Variants in APBB2 observed in about 807,000 individuals in gnomAD.
The protein encoded by APBB2 is Fe65-like 1.
In APBB2, 38 loss-of-function variants were observed where a neutral mutation model predicts 82.5. That is an observed-to-expected ratio of 0.46 (90% CI 0.36 to 0.60). The LOEUF (loss-of-function observed/expected upper bound fraction) is 0.60, where lower values mean the gene tolerates loss of function less well. APBB2 is among the 20% of genes least tolerant of loss of function. The pLI is 0.00. For synonymous variants in APBB2, 341 were observed against 368.2 expected, an observed-to-expected ratio of 0.93 and a Z score of 0.85; for missense variants, 772 against 972.3, an observed-to-expected ratio of 0.79 and a Z score of 2.74.
chr4:41,015,552 T>C (rs908820555), intron 5 of APBB2, among the ~76,000 whole-genome samples: 2 of 152,170 alleles, frequency 1.3e-5, no homozygotes, highest in Non-Finnish European at 2.9e-5. Context: ...AGCTTAGAGG[T>C]ATCTCTCCAT....
intron 12 of APBB2, among the ~76,000 whole-genome samples, chr4:40,835,225 G>A (rs372650666): frequency 2.7e-4 from 40 of 150,336 alleles, no homozygotes; most frequent in African/African-American, 9.1e-4. Flanking sequence ...GCAGTGAGCC[G>A]AGATCGCGCC....
At chr4:40,852,327 G>GGTGACA (rs1759737390) in intron 12 of APBB2, among the ~76,000 whole-genome samples, 1 of 148,754 alleles carries the variant, frequency 6.7e-6, no homozygotes, top group South Asian at 2.2e-4. Flanking sequence ...CTCCAGCCTG[G>GGTGACA]GTGACAGAGC....
At chr4:41,017,698 G>A (rs746715806) in intron 5 of APBB2, among the ~76,000 whole-genome samples, 17 of 152,104 alleles carry the variant, frequency 1.1e-4, no homozygotes, top group African/African-American at 2.9e-4. Flanking sequence ...AATATAGCGC[G>A]GGGCTGCCTA....
At chr4:40,945,994 A>T (rs1788274400) in intron 6 of APBB2, among the ~76,000 whole-genome samples, 1 of 152,144 alleles carries the variant, frequency 6.6e-6, no homozygotes, top group South Asian at 2.1e-4. Flanking sequence ...GCAATTCGGG[A>T]GGCCGAGGTG....
chr4:41,205,632 GGCTACAA>G (rs1273321930), intron 1 of APBB2, among the ~76,000 whole-genome samples: 25 of 152,014 alleles, frequency 1.6e-4, no homozygotes, highest in Non-Finnish European at 2.9e-5. Context: ...TTACAGGTAG[GGCTACAA>G]GCTCAACTGC....
intron 3 of APBB2, among the ~76,000 whole-genome samples, chr4:41,066,123 G>A (rs1222632261): frequency 1.9e-5 from 2 of 107,266 alleles, no homozygotes; most frequent in African/African-American, 6.5e-5. Context: ...GAGGTTAGAT[G>A]TCATGTTGAT....
At chr4:40,885,447 C>T (rs965645527) in intron 12 of APBB2, among the ~76,000 whole-genome samples, 1 of 152,162 alleles carries the variant, frequency 6.6e-6, no homozygotes, top group Non-Finnish European at 1.5e-5. Flanking sequence ...GAGGGACTGG[C>T]GTGCTAGGAG....
chr4:40,970,364 G>A (rs1006459299), intron 6 of APBB2, among the ~76,000 whole-genome samples: 4 of 152,100 alleles, frequency 2.6e-5, no homozygotes, highest in African/African-American at 9.7e-5. Context: ...GCCCCGTTTA[G>A]TATGGTTTCA....
chr4:40,924,143 T>C (rs924614568), intron 10 of APBB2, among the ~76,000 whole-genome samples: 2 of 152,198 alleles, frequency 1.3e-5, no homozygotes, highest in Non-Finnish European at 2.9e-5. Flanking sequence ...TTCCTAAGGC[T>C]GGAATGAGAT....
At chr4:41,107,923 G>A (rs1195656013) in intron 2 of APBB2, among the ~76,000 whole-genome samples, 1 of 152,174 alleles carries the variant, frequency 6.6e-6, no homozygotes, top group Middle Eastern at 3.2e-3. Flanking sequence ...CCTGGATTGG[G>A]AGGCGGGTAT....
At chr4:41,146,145 C>G (rs4499731) in intron 1 of APBB2, among the ~76,000 whole-genome samples, 149,497 of 152,216 alleles carry the variant, frequency 0.98, 73,480 homozygotes, top group East Asian at 1. Context: ...GGCCAACATG[C>G]CAAAACCCTT....
chr4:40,903,602 T>C (rs898770971), intron 10 of APBB2, among the ~76,000 whole-genome samples: 5 of 152,140 alleles, frequency 3.3e-5, no homozygotes, highest in Non-Finnish European at 7.4e-5. Flanking sequence ...AGGAGAAGGG[T>C]GTTACCCTTC....
chr4:40,857,164 C>G, intron 12 of APBB2: 1 of 985,390 alleles, frequency 1.0e-6, no homozygotes, highest in Non-Finnish European at 1.2e-6. Context: ...TTGAAGAGAG[C>G]GGCGCCCGCG....
At chr4:41,070,136 G>C (rs1733288984) in intron 3 of APBB2, among the ~76,000 whole-genome samples, 1 of 152,122 alleles carries the variant, frequency 6.6e-6, no homozygotes, top group Admixed American at 6.5e-5. Context: ...GGGGCAGTAA[G>C]ATAAATAGTC....
chr4:40,864,803 G>T (rs981806818), intron 12 of APBB2, among the ~76,000 whole-genome samples: 9 of 148,608 alleles, frequency 6.1e-5, no homozygotes, highest in African/African-American at 2.2e-4. Flanking sequence ...AGCATAAATT[G>T]TTATCCTCCA....
chr4:40,978,920 C>T (rs1797826045), intron 6 of APBB2, among the ~76,000 whole-genome samples: 1 of 131,872 alleles, frequency 7.6e-6, no homozygotes, highest in African/African-American at 2.6e-5. Flanking sequence ...GTACTTGGAA[C>T]TCATGATTTT....
intron 6 of APBB2, among the ~76,000 whole-genome samples, chr4:41,003,838 G>C (rs150176949): frequency 2.0e-5 from 3 of 152,136 alleles, no homozygotes; most frequent in Non-Finnish European, 4.4e-5. Context: ...TCAGCCTCCT[G>C]AGTAGCTGGA....
intron 1 of APBB2, among the ~76,000 whole-genome samples, chr4:41,154,300 C>A (rs953897545): frequency 6.6e-6 from 1 of 152,148 alleles, no homozygotes; most frequent in Non-Finnish European, 1.5e-5. Flanking sequence ...TACCATTATA[C>A]CCGCTTCTAC....
intron 3 of APBB2, among the ~76,000 whole-genome samples, chr4:41,076,279 G>A (rs1297618840): frequency 6.6e-6 from 1 of 152,180 alleles, no homozygotes; most frequent in Non-Finnish European, 1.5e-5. Flanking sequence ...AGACAGGATG[G>A]AGGCAGCACT....
Sources: allele counts gnomAD v4.1 joint callset (sites outside exome capture counted in the v4.1 genomes callset), GRCh38; gene constraint gnomAD v4.1.1; transcripts MANE v1.5; gene names NCBI Gene and HGNC (gene_info 2026-07-23, HGNC 2026-07-21).